The following HCN1 variants were observed in gnomAD, a reference collection of about 807,000 sequenced individuals.
HCN1 encodes the protein hyperpolarization activated cyclic nucleotide gated potassium channel 1.
A neutral mutation model predicts 78.9 loss-of-function variants in HCN1; 13 were observed. The ratio of observed to expected loss-of-function variants is 0.16; its 90% CI spans 0.11 to 0.26. The LOEUF is 0.26. HCN1 is among the 10% of genes least tolerant of loss of function. The probability of loss-of-function intolerance (pLI) is 1.00; values close to 1 mark genes in which losing one functional copy is unlikely to be tolerated. For synonymous variants in HCN1, 552 were observed against 455.5 expected, an observed-to-expected ratio of 1.21 and a Z score of -2.70; for missense variants, 810 against 1,154.3, an observed-to-expected ratio of 0.70 and a Z score of 4.32.
In HCN1 at chr5:45,619,963, C is replaced by T. The variant is rs74628473; in HGVS notation, c.849+25222G>A. Among the ~76,000 whole-genome samples, 441 of 152,064 alleles carry T rather than the reference C, an allele frequency of 2.9e-3. 13 individuals are homozygous for T. In the East Asian group the frequency reaches 0.031, roughly 11 times the overall value. Reference sequence around the variant, plus strand: ...CAGTGGAGAAATCTGGTAAACATCACCTTAATCAAGTGATGAAGGTTAATA... The same window carrying T: ...CAGTGGAGAAATCTGGTAAACATCATCTTAATCAAGTGATGAAGGTTAATA... On this transcript the variant is annotated intron_variant, in intron 2 of 7. Coordinates refer to ENST00000303230, the MANE Select transcript of HCN1 (RefSeq NM_021072.4).
intron 3 of HCN1, among the ~76,000 whole-genome samples, chr5:45,443,489 G>C (rs1215459687): frequency 1.3e-5 from 2 of 151,990 alleles, no homozygotes; most frequent in Non-Finnish European, 2.9e-5. Context: ...AGTCCCCTAA[G>C]TAAATGTAAT....
At chr5:45,549,840 T>C (rs1315662218) in intron 2 of HCN1, among the ~76,000 whole-genome samples, 2 of 152,070 alleles carry the variant, frequency 1.3e-5, no homozygotes, top group African/African-American at 2.4e-5. Flanking sequence ...GGGCGAAGGA[T>C]ACGAACAGAC....
intron 2 of HCN1, among the ~76,000 whole-genome samples, chr5:45,565,857 C>A (rs143142279): frequency 2.6e-5 from 4 of 152,218 alleles, no homozygotes; most frequent in Non-Finnish European, 5.9e-5. Context: ...TTGTTAATAT[C>A]ATTCTCATGG....
At chr5:45,530,304 C>A (rs1364297278) in intron 2 of HCN1, among the ~76,000 whole-genome samples, 1 of 151,790 alleles carries the variant, frequency 6.6e-6, no homozygotes, top group Non-Finnish European at 1.5e-5. Flanking sequence ...CAGAAGCCTG[C>A]CTTAAGTGAC....
chr5:45,255,611 TAGA>T lies in HCN1; in HGVS notation c.*6307_*6309del, dbSNP rs1174080688. On this transcript the variant is annotated 3_prime_UTR_variant, in exon 8 of 8. Coordinates refer to ENST00000303230, the MANE Select transcript of HCN1 (RefSeq NM_021072.4). Reference sequence around the variant, plus strand: ...AATATGTTAGGTTGGTAATAGATGTTAGAAGAGTTAGGCAAACAAGATTTAATT... The same window carrying T: ...AATATGTTAGGTTGGTAATAGATGTTAGAGTTAGGCAAACAAGATTTAATT... The T allele has an allele frequency of 6.6e-6, 1 of 152,230 alleles. No individual in the cohort carries two copies. Among genetic ancestry groups the T allele is most frequent in the Non-Finnish European group, 1.5e-5 (1 of 68,046 alleles). The allele number at this position is 152,230 out of a possible 1,614,324, so 9.4% of individuals were successfully genotyped here. A position where few individuals can be genotyped will look rare whatever the true frequency, so the allele number is the denominator to read the frequency against.
chr5:45,633,444 C>T (rs765767338), intron 2 of HCN1, among the ~76,000 whole-genome samples: 1 of 151,876 alleles, frequency 6.6e-6, no homozygotes, highest in East Asian at 1.9e-4. Context: ...CTCTTAGAAG[C>T]CTTTCTAAAT....
chr5:45,635,839 C>A (rs16902193), intron 2 of HCN1, among the ~76,000 whole-genome samples: 1 of 152,086 alleles, frequency 6.6e-6, no homozygotes, highest in Non-Finnish European at 1.5e-5. Flanking sequence ...CATAAATTGA[C>A]TTTCTGTGAC....
At chr5:45,289,263 A>G (rs562578162) in intron 6 of HCN1, among the ~76,000 whole-genome samples, 2 of 152,078 alleles carry the variant, frequency 1.3e-5, no homozygotes, top group Non-Finnish European at 2.9e-5. Context: ...ATACAGAAAG[A>G]TGGTATTACT....
chr5:45,528,862 T>C (rs763898995), intron 2 of HCN1, among the ~76,000 whole-genome samples: 1 of 151,908 alleles, frequency 6.6e-6, no homozygotes, highest in Non-Finnish European at 1.5e-5. Context: ...CAAATCTAAT[T>C]GGCAAAATAA....
chr5:45,492,392 A>AATATATATAT (rs35781186), intron 2 of HCN1, among the ~76,000 whole-genome samples: 2,759 of 121,152 alleles, frequency 0.023, 44 homozygotes, highest in African/African-American at 0.047. Flanking sequence ...TCTTTAAATG[A>AATATATATAT]ATATATATAT....
At position 45,303,650 on chromosome 5, in the gene HCN1, T is replaced by C. The variant is rs2111904866; in HGVS notation, c.1567A>G (p.Ile523Val). The change falls in exon 6 of 8, where the codon ATT (isoleucine) becomes GTT (valine). Residue 523 changes from isoleucine (I) to valine (V), a missense_variant. Ile to Val is a conservative substitution (Grantham distance 29). Transcript: ENST00000303230. ...YFIQHGVAGVITKSSKEMKLT... is the reference protein window; with the variant it reads ...YFIQHGVAGVVTKSSKEMKLT... ...TTCATTTCTTTACTGGATTTTGTAA[T>C]GACACCAGCAACACCGTGTTGAATG... is the stretch of plus-strand genomic sequence containing the variant. 1 of 1,613,492 alleles carries C rather than the reference T, an allele frequency of 6.2e-7. No individual in the cohort carries two copies. Among genetic ancestry groups the C allele is most frequent in the Non-Finnish European group, 8.5e-7 (1 of 1,179,634 alleles).
At chr5:45,487,373 T>C (rs895979174) in intron 2 of HCN1, among the ~76,000 whole-genome samples, 4 of 152,110 alleles carry the variant, frequency 2.6e-5, no homozygotes, top group African/African-American at 9.6e-5. Flanking sequence ...ATATTTCTTG[T>C]TCAATATAAA....
At chr5:45,616,215 A>C (rs1744946176) in intron 2 of HCN1, among the ~76,000 whole-genome samples, 1 of 152,002 alleles carries the variant, frequency 6.6e-6, no homozygotes, top group Non-Finnish European at 1.5e-5. Flanking sequence ...TTCACAATGC[A>C]ATGCCAAACT....
chr5:45,498,802 G>T (rs1219513257), intron 2 of HCN1, among the ~76,000 whole-genome samples: 1 of 152,102 alleles, frequency 6.6e-6, no homozygotes, highest in Non-Finnish European at 1.5e-5. Flanking sequence ...CCTTCTAACA[G>T]ACAGGACCCT....
chr5:45,277,461 T>TAAACA (rs1453645766), intron 6 of HCN1, among the ~76,000 whole-genome samples: 3 of 151,812 alleles, frequency 2.0e-5, no homozygotes, highest in Non-Finnish European at 4.4e-5. Context: ...AACCTAAACA[T>TAAACA]AAACAAAACA....
chr5:45,581,914 G>A (rs1057089285), intron 2 of HCN1, among the ~76,000 whole-genome samples: 11 of 152,130 alleles, frequency 7.2e-5, no homozygotes, highest in South Asian at 2.1e-4. Flanking sequence ...TGCTGTTTTC[G>A]TTACTGTAGC....
intron 2 of HCN1, among the ~76,000 whole-genome samples, chr5:45,586,859 A>G (rs1336606772): frequency 6.6e-6 from 1 of 152,182 alleles, no homozygotes; most frequent in Non-Finnish European, 1.5e-5. Context: ...GTAATAGACT[A>G]TCTTAATAAA....
chr5:45,562,766 T>G (rs548010492), intron 2 of HCN1, among the ~76,000 whole-genome samples: 1 of 151,918 alleles, frequency 6.6e-6, no homozygotes, highest in Admixed American at 6.6e-5. Flanking sequence ...AGAAAAAAAA[T>G]TGCTTAACAA....
intron 5 of HCN1, among the ~76,000 whole-genome samples, chr5:45,339,830 C>A (rs149999288): frequency 1.3e-5 from 2 of 152,044 alleles, no homozygotes; most frequent in Non-Finnish European, 2.9e-5. Flanking sequence ...AGAGGATGCA[C>A]GTAAAAGTGA....
Sources: allele counts gnomAD v4.1 joint callset (sites outside exome capture counted in the v4.1 genomes callset), GRCh38; gene constraint gnomAD v4.1.1; transcripts MANE v1.5; gene names NCBI Gene and HGNC (gene_info 2026-07-23, HGNC 2026-07-21).